Variants in ADGRE2 observed in about 807,000 individuals in gnomAD.
The protein encoded by ADGRE2 is CD97 antigen.
Under a neutral mutation model 100.8 loss-of-function variants are expected in ADGRE2, and 83 were observed. That is an observed-to-expected ratio of 0.82 (90% CI 0.69 to 0.99). The LOEUF (loss-of-function observed/expected upper bound fraction) is 0.99, where lower values mean the gene tolerates loss of function less well. Among genes scored for constraint, ADGRE2 ranks in the 50% least tolerant of loss-of-function variants. ADGRE2 has a pLI of 0.00. For missense variants in ADGRE2, 814 were observed against 1,035.7 expected, an observed-to-expected ratio of 0.79 and a Z score of 2.94; for synonymous variants, 355 against 413.0, an observed-to-expected ratio of 0.86 and a Z score of 1.70.
At position 14,734,008 on chromosome 19, in the gene ADGRE2, T is replaced by G. The variant is rs758491741; in HGVS notation, c.*2228A>C. The G allele has an allele frequency of 5.9e-5, 9 of 152,238 alleles. No individual in the cohort carries two copies. The highest frequency in any genetic ancestry group is 8.8e-5 in the Non-Finnish European group (6 of 68,064). 9.4% of individuals were successfully genotyped at this position (152,238 alleles called of 1,614,324 possible). Reference sequence around the variant, plus strand: ...AAAATGTGAGTTGCACTGGGAAATGTTCCCAGCTGAGTTGACAAAGCAATG... The same window carrying G: ...AAAATGTGAGTTGCACTGGGAAATGGTCCCAGCTGAGTTGACAAAGCAATG... On this transcript the variant is annotated 3_prime_UTR_variant, in exon 21 of 21. Coordinates refer to ENST00000315576, the MANE Select transcript of ADGRE2 (RefSeq NM_013447.4).
chr19:14,737,283 G>C (rs1655958037), intron 20 of ADGRE2, among the ~76,000 whole-genome samples: 1 of 151,678 alleles, frequency 6.6e-6, no homozygotes, highest in South Asian at 2.1e-4. Flanking sequence ...CAACTCCCAG[G>C]TTCAAGTGAT....
chr19:14,757,372 GTTCATCTTAAAA>G lies in ADGRE2; in HGVS notation c.1085-1039_1085-1028del, dbSNP rs1348419851. 2.7e-5 allele frequency among the ~76,000 whole-genome samples: 4 copies of G among 149,994 alleles called. No individual in the cohort carries two copies. The East Asian group carries it at 7.8e-4, about 29-fold the overall frequency. On this transcript the variant is annotated intron_variant, in intron 11 of 20. Coordinates refer to ENST00000315576, the MANE Select transcript of ADGRE2 (RefSeq NM_013447.4). Reference sequence around the variant, plus strand: ...ATTATTACTTTGCAGAATAAGAAAAGTTCATCTTAAAATTCATATGGTGTTGTAAGGAATCCA... The same window carrying G: ...ATTATTACTTTGCAGAATAAGAAAAGTTCATATGGTGTTGTAAGGAATCCA...
chr19:14,743,131 A>C (rs2042978430), intron 20 of ADGRE2, among the ~76,000 whole-genome samples: 1 of 151,714 alleles, frequency 6.6e-6, no homozygotes, highest in Admixed American at 6.6e-5. Context: ...TAGAGATGGG[A>C]TCTTGCTATG....
Position 14,751,933 on chromosome 19 carries a change from T to TATA in ADGRE2, c.1789-263_1789-262insTAT, listed in dbSNP as rs2043307017. ...CACACATATATATATATATATATAT[T>TATA]TTTTTTTTTTTTTTTTTGAGACGGA... is the stretch of plus-strand genomic sequence containing the variant. On this transcript the variant is annotated intron_variant, in intron 15 of 20. Transcript: ENST00000315576. Among the ~76,000 whole-genome samples, 4 of 51,886 alleles carry TATA rather than the reference T, an allele frequency of 7.7e-5. No individual in the cohort carries two copies. In the Admixed American group the frequency reaches 8.2e-4, roughly 11 times the overall value. 34.0% of individuals were successfully genotyped at this position (51,886 alleles called of 152,430 possible).
intron 2 of ADGRE2, among the ~76,000 whole-genome samples, chr19:14,774,617 C>T (rs1224257492): frequency 6.8e-6 from 1 of 147,466 alleles, no homozygotes; most frequent in Non-Finnish European, 1.5e-5. Flanking sequence ...CAAGCGATCC[C>T]CCTGCCTCAC....
At chr19:14,731,514 C>T, downstream of ADGRE2, 1 of 331,412 alleles carries the variant, frequency 3.0e-6, no homozygotes, top group Non-Finnish European at 5.5e-6. Flanking sequence ...AGGGAAACTG[C>T]TCACAGTGGA....
intron 11 of ADGRE2, among the ~76,000 whole-genome samples, chr19:14,759,803 C>T (rs1178275061): frequency 7.1e-6 from 1 of 140,504 alleles, no homozygotes; most frequent in Non-Finnish European, 1.5e-5. Context: ...CACCTCTCCG[C>T]TTATTAAGCA....
intron 2 of ADGRE2, among the ~76,000 whole-genome samples, chr19:14,774,633 C>T (rs1044205236): frequency 3.0e-5 from 4 of 134,788 alleles, no homozygotes; most frequent in African/African-American, 1.1e-4. Context: ...CTCACCCTCC[C>T]GAGTAGCTGG....
intron 11 of ADGRE2, among the ~76,000 whole-genome samples, chr19:14,763,996 C>G (rs916579654): frequency 5.3e-5 from 8 of 149,704 alleles, no homozygotes; most frequent in Non-Finnish European, 3.0e-5. Context: ...CTTTTTCTTC[C>G]TCTTTATCCT....
In ADGRE2 at chr19:14,751,610, A is replaced by C; in HGVS notation, c.1850T>G (p.Met617Arg). Residue 617 changes from methionine to arginine, a missense_variant, in exon 16 of 21, where the codon ATG becomes AGG. Coordinates refer to ENST00000315576, the MANE Select transcript of ADGRE2 (RefSeq NM_013447.4). Reference protein sequence around the residue: ...HYLYLATLTWMLLEALYLFLT... With the variant: ...HYLYLATLTWRLLEALYLFLT... ...GAAGAGGTACAGGGCCTCCAGCAGC[A>C]TCCAGGTCAAGGTGGCCAGGTAGAG... 1 of 1,614,070 alleles carries C rather than the reference A, an allele frequency of 6.2e-7. No individual in the cohort carries two copies. Among genetic ancestry groups the C allele is most frequent in the Non-Finnish European group, 8.5e-7 (1 of 1,180,014 alleles).
chr19:14,754,413 G>A (rs1160720887), intron 14 of ADGRE2, among the ~76,000 whole-genome samples: 1 of 150,792 alleles, frequency 6.6e-6, no homozygotes, highest in Non-Finnish European at 1.5e-5. Context: ...AGCTGCCAGC[G>A]TGGCTAGAAT....
rs1463117544 is a variant in ADGRE2, at chr19:14,752,356, G to A, written c.1761C>T (p.Leu587=). ...TGTGTCCGGTTTGATCAATTGCCAC[G>A]AGGAAGAGGAGGTGGGCCAGGAAGA... ...LCLFLAHLLF[L]VAIDQTGHKV... is the part of the protein sequence containing the mutation. Residue 587 remains leucine, a synonymous_variant, in exon 15 of 21, where the codon CTC becomes CTT. Transcript: ENST00000315576. The A allele has an allele frequency of 3.7e-6, 6 of 1,614,144 alleles. No homozygotes were observed. Among genetic ancestry groups the A allele is most frequent in the East Asian group, 2.2e-5 (1 of 44,882 alleles).
chr19:14,731,437 G>T, downstream of ADGRE2: 1 of 534,696 alleles, frequency 1.9e-6, no homozygotes, highest in Non-Finnish European at 3.3e-6. Context: ...GGAGACTAAG[G>T]CCTGTGTGGG....
At chr19:14,753,808 A>C (rs1008846453) in intron 14 of ADGRE2, among the ~76,000 whole-genome samples, 3 of 150,448 alleles carry the variant, frequency 2.0e-5, no homozygotes, top group Middle Eastern at 3.4e-3. Flanking sequence ...AAAAAGGCAG[A>C]GTTTACCCTG....
At chr19:14,742,942 T>A (rs2732790) in intron 20 of ADGRE2, among the ~76,000 whole-genome samples, 114,448 of 150,262 alleles carry the variant, frequency 0.76, 44,311 homozygotes, top group African/African-American at 0.9. Context: ...TTTTTTTTTT[T>A]AATTTTTGGG....
At chr19:14,769,661 T>G (rs1378647419) in intron 5 of ADGRE2, among the ~76,000 whole-genome samples, 1 of 152,150 alleles carries the variant, frequency 6.6e-6, no homozygotes, top group Non-Finnish European at 1.5e-5. Flanking sequence ...CCTCTCTCAG[T>G]GTTGGCCTCT....
chr19:14,758,897 A>AT (rs2043598360), intron 11 of ADGRE2, among the ~76,000 whole-genome samples: 1 of 149,106 alleles, frequency 6.7e-6, no homozygotes, highest in Non-Finnish European at 1.5e-5. Context: ...AAAAAAAAAA[A>AT]GGAAAAAGAG....
At chr19:14,730,836 T>C (rs544402182), downstream of ADGRE2, among the ~76,000 whole-genome samples, 6 of 151,832 alleles carry the variant, frequency 4.0e-5, no homozygotes, top group South Asian at 1.3e-3. Flanking sequence ...TAGTCCCCAT[T>C]GTCTAATGCT....
chr19:14,759,503 ATTTTTTT>A (rs368205522), intron 11 of ADGRE2, among the ~76,000 whole-genome samples: 1 of 133,380 alleles, frequency 7.5e-6, no homozygotes, highest in East Asian at 2.2e-4. Context: ...ATATATATAT[ATTTTTTT>A]TTTTTAGACG....
Sources: allele counts gnomAD v4.1 joint callset (sites outside exome capture counted in the v4.1 genomes callset), GRCh38; gene constraint gnomAD v4.1.1; transcripts MANE v1.5; gene names NCBI Gene and HGNC (gene_info 2026-07-23, HGNC 2026-07-21).